Variants in HERPUD1 observed in about 807,000 individuals in gnomAD.
The protein encoded by HERPUD1 is homocysteine-responsive endoplasmic reticulum-resident ubiquitin-like domain member 1 protein.
A neutral mutation model predicts 45.0 loss-of-function variants in HERPUD1; 17 were observed. That is an observed-to-expected ratio of 0.38 (90% CI 0.26 to 0.57). The LOEUF (loss-of-function observed/expected upper bound fraction) is 0.57. Ranked by LOEUF, HERPUD1 falls within the 20% of genes least tolerant of loss-of-function variation. The pLI is 0.72. For missense variants in HERPUD1, 420 were observed against 490.5 expected (o/e 0.86, Z 1.36); for synonymous variants, 164 against 177.5 (o/e 0.92, Z 0.61).
chr16:56,935,489 T>C lies in HERPUD1; in HGVS notation c.300+14T>C. The C allele has an allele frequency of 6.2e-7, 1 of 1,605,614 alleles. No individual in the cohort carries two copies. ...ATCAACGCCAAGGTGTGTCTGCCTCTTCATGATGGTAACAATTTGTATCAT... is the reference window on the plus strand; with the variant it reads ...ATCAACGCCAAGGTGTGTCTGCCTCCTCATGATGGTAACAATTTGTATCAT... On this transcript the variant is annotated intron_variant, in intron 3 of 7. Transcript: ENST00000439977.
At chr16:56,935,691 G>A (rs1361704201) in intron 3 of HERPUD1, 5 of 571,940 alleles carry the variant, frequency 8.7e-6, no homozygotes, top group African/African-American at 5.6e-5. Context: ...TAGAAAGGTG[G>A]AGTTACATAT....
chr16:56,942,199 C>G lies in HERPUD1; in HGVS notation c.973C>G (p.Pro325Ala), dbSNP rs35721729. Residue 325 changes from proline (P) to alanine (A), a missense_variant, in exon 7 of 8, where the codon CCT becomes GCT. Transcript: ENST00000439977. ...VQNFPNDGPP[P>A]DVVNQDPNNN... The stretch of plus-strand genomic sequence containing the variant: ...GAACTTCCCAAATGATGGTCCTCCT[C>G]CTGACGTTGTAAATCAGGACCCCAA... The G allele has an allele frequency of 9.9e-4, 1,603 of 1,614,134 alleles. 18 individuals carry two copies. The African/African-American group carries it at 0.019, about 19-fold the overall frequency.
intron 6 of HERPUD1, chr16:56,941,832 G>A (rs2055912080): frequency 8.5e-6 from 2 of 235,078 alleles, no homozygotes; most frequent in Admixed American, 1.1e-4. Flanking sequence ...TCCCCGCTCT[G>A]TTCAGGTTTT....
In HERPUD1 at chr16:56,939,932, C is replaced by T. The variant is rs1206392705; in HGVS notation, c.592C>T (p.Pro198Ser). 4 of 1,612,896 alleles carry T rather than the reference C, an allele frequency of 2.5e-6. No individual in the cohort carries two copies. Among genetic ancestry groups the T allele is most frequent in the Non-Finnish European group, 3.4e-6 (4 of 1,178,878 alleles). ...TGCTGCATCAGGGGCTTTTGTTCCA[C>T]CACCAAGTGCACAAGAGATACCTGT... ...ATAASGAFVP[P>S]PSAQEIPVVS... Residue 198 changes from proline (P) to serine (S), a missense_variant, in exon 6 of 8, where the codon CCA becomes TCA. Transcript: ENST00000439977.
At chr16:56,933,228 G>A in intron 1 of HERPUD1, 1 of 455,792 alleles carries the variant, frequency 2.2e-6, no homozygotes, top group South Asian at 1.6e-5. Flanking sequence ...AGGGCATCCG[G>A]GCAGGAAAAG....
chr16:56,936,331 AGAAAGTTGTGGGCTGGG>A, intron 3 of HERPUD1: 1 of 157,776 alleles, frequency 6.3e-6, no homozygotes, highest in Non-Finnish European at 1.4e-5. Context: ...ATACTATTTT[AGAAAGTTGTGGGCTGGG>A]TTGTATTTAT....
intron 4 of HERPUD1, among the ~76,000 whole-genome samples, chr16:56,937,772 C>G (rs1174589558): frequency 6.6e-6 from 1 of 150,662 alleles, no homozygotes; most frequent in African/African-American, 2.4e-5. Context: ...AGCACTTTAT[C>G]ATTTTATTTC....
rs1477084923 is a variant in HERPUD1 at position 56,935,295 on chromosome 16, A to C, written c.208A>C (p.Arg70=). ...GKLLLDHQCL[R]DLLPKQEKRH... ...GCTGTTGTTGGATCACCAATGTCTC[A>C]GGGACTTGCTTCCAAAGGTACATCA... The change falls in exon 2 of 8, where the codon AGG becomes CGG. Residue 70 remains arginine (R), a synonymous_variant. Coordinates refer to ENST00000439977, the MANE Select transcript of HERPUD1 (RefSeq NM_014685.4). 1 of 1,613,548 alleles carries C rather than the reference A, an allele frequency of 6.2e-7. No individual in the cohort carries two copies. The highest frequency in any genetic ancestry group is 8.5e-7 in the Non-Finnish European group (1 of 1,179,530).
At chr16:56,941,825 C>T in intron 6 of HERPUD1, 1 of 218,496 alleles carries the variant, frequency 4.6e-6, no homozygotes, top group Non-Finnish European at 9.0e-6. Flanking sequence ...TGCATTCTCC[C>T]CGCTCTGTTC....
At chr16:56,935,642 A>T (rs1789705142) in intron 3 of HERPUD1, 167 bp downstream of exon 3, 1 of 632,252 alleles carries the variant, frequency 1.6e-6, no homozygotes, top group Non-Finnish European at 2.8e-6. Flanking sequence ...ACACAAAGTG[A>T]TGAGTTAATA....
At position 56,943,343 on chromosome 16, in the gene HERPUD1, C is replaced by G. The variant is rs2055926375; in HGVS notation, c.*53C>G. The G allele has an allele frequency of 1.9e-6, 3 of 1,594,182 alleles. No homozygotes were observed. Among genetic ancestry groups the G allele is most frequent in the Non-Finnish European group, 2.6e-6 (3 of 1,161,914 alleles). ...CTTTGACAGGAATGGACTGGATCAC[C>G]TGACTCCAGCTAGATTGCCTCTCCT... On this transcript the variant is annotated 3_prime_UTR_variant, in exon 8 of 8. Coordinates refer to ENST00000439977, the MANE Select transcript of HERPUD1 (RefSeq NM_014685.4).
intron 4 of HERPUD1, chr16:56,937,445 C>A (rs2055875154): frequency 6.6e-6 from 1 of 152,058 alleles, no homozygotes; most frequent in Non-Finnish European, 1.5e-5. Context: ...TTTTTATACA[C>A]AATATTTTAT....
chr16:56,938,574 AAAAG>A (rs1481866281), intron 4 of HERPUD1, among the ~76,000 whole-genome samples: 5 of 151,904 alleles, frequency 3.3e-5, no homozygotes, highest in Middle Eastern at 3.2e-3. Flanking sequence ...AAAAAAAAAA[AAAAG>A]AAGCATGCAT....
chr16:56,932,151 A>G lies in HERPUD1; in HGVS notation c.-94A>G. On this transcript the variant is annotated 5_prime_UTR_variant, in exon 1 of 8. Transcript: ENST00000439977. ...CGAAGCGGGGGCGCGCGCCCCAGAG[A>G]CGTGAACTGTCGTTGCAGAGATTGC... The G allele has an allele frequency of 1.3e-6, 2 of 1,546,566 alleles. No individual in the cohort carries two copies. Among genetic ancestry groups the G allele is most frequent in the Non-Finnish European group, 8.7e-7 (1 of 1,152,826 alleles).
At chr16:56,933,219 G>A in intron 1 of HERPUD1, 1 of 455,524 alleles carries the variant, frequency 2.2e-6, no homozygotes, top group Non-Finnish European at 4.4e-6. Flanking sequence ...ACACAGGAGA[G>A]GGCATCCGGG....
At position 56,943,458 on chromosome 16, in the gene HERPUD1, C is replaced by T. The variant is rs2055927458; in HGVS notation, c.*168C>T. On this transcript the variant is annotated 3_prime_UTR_variant, in exon 8 of 8. Transcript: ENST00000439977. The stretch of plus-strand genomic sequence containing the variant: ...AAAGCAGAAACGTGAAGCCGTGATA[C>T]AAATTGGTGAACAAAAAATGCCCAA... 5.0e-6 allele frequency: 4 copies of T among 800,950 alleles called. No homozygotes were observed. The South Asian group carries it at 5.6e-5, about 11-fold the overall frequency. 49.6% of individuals were successfully genotyped at this position (800,950 alleles called of 1,614,324 possible). A position where few individuals can be genotyped will look rare whatever the true frequency, so the allele number is the denominator to read the frequency against.
intron 4 of HERPUD1, among the ~76,000 whole-genome samples, chr16:56,937,594 A>G (rs1291481855): frequency 1.3e-5 from 2 of 150,416 alleles, no homozygotes; most frequent in African/African-American, 2.5e-5. Flanking sequence ...GAGTTTTACC[A>G]TAGCTCATCT....
At chr16:56,935,076 A>G (rs2055855602) in intron 1 of HERPUD1, 159 bp from the exon 2 acceptor site, 5 of 607,770 alleles carry the variant, frequency 8.2e-6, no homozygotes, top group Middle Eastern at 2.6e-4. Context: ...CACTTTCTAA[A>G]TAGAAGTCTT....
At chr16:56,938,519 C>T (rs577639632) in intron 4 of HERPUD1, among the ~76,000 whole-genome samples, 3 of 150,586 alleles carry the variant, frequency 2.0e-5, no homozygotes, top group East Asian at 2.0e-4. Flanking sequence ...GCCGAGATTG[C>T]GCCATTGCAC....
Sources: allele counts gnomAD v4.1 joint callset (sites outside exome capture counted in the v4.1 genomes callset), GRCh38; gene constraint gnomAD v4.1.1; transcripts MANE v1.5; gene names NCBI Gene and HGNC (gene_info 2026-07-23, HGNC 2026-07-21).